CCNL1: variants seen among roughly 807,000 people sequenced by gnomAD.
CCNL1 encodes the protein cyclin L1.
In CCNL1, 13 loss-of-function variants were observed where a neutral mutation model predicts 60.6. The observed-to-expected ratio is 0.21, with a 90% confidence interval of 0.14 to 0.34. The LOEUF (loss-of-function observed/expected upper bound fraction) is 0.34. Among genes scored for constraint, CCNL1 ranks in the 10% least tolerant of loss-of-function variants. The pLI is 1.00. For missense variants in CCNL1, 481 were observed against 664.3 expected, an observed-to-expected ratio of 0.72 and a Z score of 3.03; for synonymous variants, 270 against 244.3, an observed-to-expected ratio of 1.10 and a Z score of -0.98.
chr3:157,159,887 T>C lies in CCNL1; in HGVS notation c.208A>G (p.Met70Val). 1 of 1,602,712 alleles carries C rather than the reference T, an allele frequency of 6.2e-7. No homozygotes were observed. Among genetic ancestry groups the C allele is most frequent in the Non-Finnish European group, 8.5e-7 (1 of 1,174,636 alleles). ...PEERLSPTPS[M>V]QDGLDLPSET... ...CTGGGCAGGTCGAGCCCATCCTGCATGGATGGGGTGGGCGAGAGCCTCTCC... is the reference window on the plus strand; with the variant it reads ...CTGGGCAGGTCGAGCCCATCCTGCACGGATGGGGTGGGCGAGAGCCTCTCC... The change falls in exon 1 of 11, where the codon ATG becomes GTG. Residue 70 changes from methionine (M) to valine (V), a missense_variant. Met to Val is a conservative substitution (Grantham distance 21). This residue lies in a region of CCNL1 where 130 missense variants were observed against 174.5 expected (regional missense o/e 0.75). Coordinates refer to ENST00000295926, the MANE Select transcript of CCNL1 (RefSeq NM_020307.4).
rs973457289 is a variant in CCNL1, at chr3:157,152,456, G to A, written c.610-215C>T. The A allele has an allele frequency of 8.8e-6, 11 of 1,253,960 alleles. No homozygotes were observed. The African/African-American group carries it at 1.7e-4, about 20-fold the overall frequency. The allele number at this position is 1,253,960 out of a possible 1,614,324, so 77.7% of individuals were successfully genotyped here. On this transcript the variant is annotated intron_variant, in intron 4 of 10. Transcript: ENST00000295926. ...AGAAGCATATTTCAAAATTGTACAGGAAAAAAGGCAATTAAAAGAATATTT... is the reference window on the plus strand; with the variant it reads ...AGAAGCATATTTCAAAATTGTACAGAAAAAAAGGCAATTAAAAGAATATTT...
chr3:157,157,890 C>T (rs1738746324), intron 3 of CCNL1, among the ~76,000 whole-genome samples: 1 of 152,180 alleles, frequency 6.6e-6, no homozygotes, highest in African/African-American at 2.4e-5. Context: ...ATAAGGACTA[C>T]TCATATAGAA....
intron 3 of CCNL1, among the ~76,000 whole-genome samples, chr3:157,155,879 A>AT (rs1032306256): frequency 2.8e-4 from 42 of 152,342 alleles, no homozygotes; most frequent in Non-Finnish European, 5.6e-4. Flanking sequence ...AAACTCAAAA[A>AT]TAATTTTCAT....
In CCNL1 at chr3:157,154,858, T is replaced by G. The variant is rs572666167; in HGVS notation, c.489-1702A>C. Among the ~76,000 whole-genome samples, 5 of 152,198 alleles carry G rather than the reference T, an allele frequency of 3.3e-5. No homozygotes were observed. The South Asian group carries it at 1.0e-3, about 32-fold the overall frequency. On this transcript the variant is annotated intron_variant, in intron 3 of 10. Coordinates refer to ENST00000295926, the MANE Select transcript of CCNL1 (RefSeq NM_020307.4). ...TGATGAATCCATTTTATCAGGACAG[T>G]AGGCTACAAATTGCTCTTTGGAAAA...
At position 157,159,504 on chromosome 3, in the gene CCNL1, AG is replaced by A. The variant is rs1327842429; in HGVS notation, c.304-26del. ...CCTGCAGACAAGAGAGGAGAACGGA[AG>A]CGCAGGGGTCAGGCGGGCCCGCTCC... On this transcript the variant is annotated intron_variant, in intron 1 of 10. Transcript: ENST00000295926. 1.9e-6 allele frequency: 3 copies of A among 1,603,968 alleles called. No individual in the cohort carries two copies. The African/African-American group carries it at 4.0e-5, about 21-fold the overall frequency.
At chr3:157,158,730 T>C in intron 3 of CCNL1, 136 bp downstream of exon 3, 1 of 579,144 alleles carries the variant, frequency 1.7e-6, no homozygotes, top group Non-Finnish European at 3.1e-6. Context: ...TGTTCCTATA[T>C]GAACTTTAAC....
intron 1 of CCNL1, 106 bp downstream of exon 1, chr3:157,159,686 G>T: frequency 1.7e-6 from 2 of 1,189,434 alleles, no homozygotes; most frequent in South Asian, 1.6e-5. Flanking sequence ...GGGAAAGCCT[G>T]AAGGAACCGT....
At chr3:157,157,784 G>A (rs956767605) in intron 3 of CCNL1, among the ~76,000 whole-genome samples, 3 of 152,162 alleles carry the variant, frequency 2.0e-5, no homozygotes, top group African/African-American at 7.2e-5. Flanking sequence ...AAAAAGAACT[G>A]TCTGTAGACT....
At chr3:157,144,465 G>A (rs952528387), downstream of CCNL1, among the ~76,000 whole-genome samples, 1 of 152,230 alleles carries the variant, frequency 6.6e-6, no homozygotes, top group Non-Finnish European at 1.5e-5. Flanking sequence ...TCACTGTGGA[G>A]GAATGATTTA....
intron 3 of CCNL1, 103 bp from the exon 4 acceptor site, chr3:157,153,259 C>T (rs549595856): frequency 2.5e-6 from 3 of 1,221,280 alleles, no homozygotes; most frequent in Admixed American, 2.6e-5. Context: ...GCAACAGAAA[C>T]CAGCTTTTTA....
chr3:157,149,569 T>C lies in CCNL1; in HGVS notation c.1049A>G (p.Glu350Gly). ...CACATTAATGGAGATTGGTGATTTC[T>C]CTTCAGCTTTTACTTCTCTTGGTGA... Reference protein sequence around the residue: ...PSSPREVKAEEKSPISINVKT... With the variant: ...PSSPREVKAEGKSPISINVKT... Residue 350 changes from glutamate (E) to glycine (G), a missense_variant, in exon 9 of 11, where the codon GAG (glutamate) becomes GGG (glycine). This residue lies in a region of CCNL1 where 197 missense variants were observed against 233.9 expected (regional missense o/e 0.84). Transcript: ENST00000295926. 6.2e-7 allele frequency: 1 copy of C among 1,613,976 alleles called. No homozygotes were observed. Among genetic ancestry groups the C allele is most frequent in the Non-Finnish European group, 8.5e-7 (1 of 1,179,922 alleles).
intron 2 of CCNL1, 73 bp downstream of exon 2, chr3:157,159,332 G>T: frequency 7.2e-7 from 1 of 1,387,268 alleles, no homozygotes; most frequent in Non-Finnish European, 1.0e-6. Flanking sequence ...GGAAAAGCTG[G>T]CTGCTGACAC....
At chr3:157,145,789 C>G (rs1737768902), downstream of CCNL1, among the ~76,000 whole-genome samples, 1 of 152,092 alleles carries the variant, frequency 6.6e-6, no homozygotes, top group African/African-American at 2.4e-5. Context: ...ACACAGTGGA[C>G]AGAAAAATGT....
intron 3 of CCNL1, among the ~76,000 whole-genome samples, chr3:157,155,591 GA>G (rs1738552627): frequency 6.6e-6 from 1 of 152,080 alleles, no homozygotes; most frequent in South Asian, 2.1e-4. Flanking sequence ...ATTTTGTTCA[GA>G]ATTGGTTCTA....
At chr3:157,152,586 T>A in intron 4 of CCNL1, 1 of 1,078,118 alleles carries the variant, frequency 9.3e-7, no homozygotes, top group Non-Finnish European at 1.1e-6. Context: ...TAACTCACTC[T>A]ATGGCTTATA....
rs1478627570 is a variant in CCNL1, at chr3:157,149,602, A to G, written c.1022-6T>C. 2 of 1,608,994 alleles carry G rather than the reference A, an allele frequency of 1.2e-6. No individual in the cohort carries two copies. Among genetic ancestry groups the G allele is most frequent in the Admixed American group, 3.4e-5 (2 of 59,330 alleles). On this transcript the variant is annotated splice_polypyrimidine_tract_variant and splice_region_variant and intron_variant, in intron 8 of 10. Coordinates refer to ENST00000295926, the MANE Select transcript of CCNL1 (RefSeq NM_020307.4). ...TTTTACTTCTCTTGGTGATGCTTTT[A>G]AAAGATATAATAACAACATGTTAAC...
chr3:157,149,127 G>A (rs567935500), intron 10 of CCNL1, 160 bp downstream of exon 10: 3 of 619,786 alleles, frequency 4.8e-6, no homozygotes, highest in Non-Finnish European at 8.5e-6. Context: ...GATACTGTAT[G>A]TCCAGAACAT....
At chr3:157,144,727 C>T (rs142589204), downstream of CCNL1, among the ~76,000 whole-genome samples, 103 of 152,366 alleles carry the variant, frequency 6.8e-4, no homozygotes, top group Non-Finnish European at 1.1e-3. Context: ...CCAAACCCTT[C>T]AGTATGCCCA....
At chr3:157,156,210 CA>C (rs1244644034) in intron 3 of CCNL1, among the ~76,000 whole-genome samples, 2 of 152,286 alleles carry the variant, frequency 1.3e-5, no homozygotes, top group Middle Eastern at 3.4e-3. Flanking sequence ...AAGCAATATA[CA>C]AAAATTTGTA....
Sources: gnomAD v4.1 joint callset for allele counts (sites outside exome capture counted in the v4.1 genomes callset) on GRCh38, gnomAD v4.1.1 for gene constraint, gnomAD v4.1.1 regional missense constraint, MANE v1.5 for transcripts, NCBI Gene and HGNC (gene_info 2026-07-23, HGNC 2026-07-21) for gene names.